RBIS: variants seen among roughly 807,000 people sequenced by gnomAD.
RBIS encodes ribosome biogenesis factor identified in screen.
A neutral mutation model predicts 9.8 loss-of-function variants in RBIS; 9 were observed. The ratio of observed to expected loss-of-function variants is 0.92; its 90% CI spans 0.56 to 1.61. The LOEUF is 1.61. RBIS is among the 40% of genes most tolerant of loss of function. The probability of loss-of-function intolerance (pLI) is 0.00; values close to 1 mark genes in which losing one functional copy is unlikely to be tolerated. For missense variants in RBIS, 103 were observed against 116.0 expected, an observed-to-expected ratio of 0.89 and a Z score of 0.51; for synonymous variants, 35 against 37.9, an observed-to-expected ratio of 0.92 and a Z score of 0.28.
In RBIS at chr8:85,214,725, T is replaced by A; in HGVS notation, c.232-94A>T. ...TTATTCAATTTAATTTTTCTAGTCA[T>A]ATCTTTGGAAGTAGAACAATCTGTA... On this transcript the variant is annotated intron_variant, in intron 3 of 3. Transcript: ENST00000619594. 3 of 891,142 alleles carry A rather than the reference T, an allele frequency of 3.4e-6. No individual in the cohort carries two copies. In the East Asian group the frequency reaches 7.2e-5, roughly 22 times the overall value. 55.2% of individuals were successfully genotyped at this position (891,142 alleles called of 1,614,324 possible).
Position 85,214,938 on chromosome 8 carries a change from G to A in RBIS, c.214C>T (p.Pro72Ser), listed in dbSNP as rs770940141. ...CTGCTTACCAGTTCTTTCTGCAGAG[G>A]TTCAAGTGAAATGCTTTTTGCGAAA... ...AHFAKSISLE[P>S]LQKELIPQQR... Residue 72 changes from proline (P) to serine (S), a missense_variant, in exon 3 of 4, where the codon CCT (proline) becomes TCT (serine). Coordinates refer to ENST00000619594, the MANE Select transcript of RBIS (RefSeq NM_001099673.3). 4 of 1,573,426 alleles carry A rather than the reference G, an allele frequency of 2.5e-6. No homozygotes were observed. The Admixed American group carries it at 7.0e-5, about 28-fold the overall frequency.
At chr8:85,214,703 T>G in intron 3 of RBIS, 72 bp from the exon 4 acceptor site, 1 of 984,136 alleles carries the variant, frequency 1.0e-6, no homozygotes, top group Non-Finnish European at 1.6e-6. Context: ...TAAGCTGTTA[T>G]TCAATTTAAT....
intron 2 of RBIS, chr8:85,215,343 C>T (rs990623014): frequency 6.3e-6 from 1 of 158,580 alleles, no homozygotes; most frequent in African/African-American, 2.4e-5. Context: ...TCCTGTCATA[C>T]AGCTTTTTAA....
At chr8:85,219,918 G>A (rs551770531) in intron 1 of RBIS, among the ~76,000 whole-genome samples, 1 of 152,010 alleles carries the variant, frequency 6.6e-6, no homozygotes, top group Admixed American at 6.5e-5. Context: ...AGACATGATA[G>A]GTATATTGTA....
intron 1 of RBIS, among the ~76,000 whole-genome samples, chr8:85,218,370 C>G (rs907776162): frequency 1.1e-4 from 17 of 152,064 alleles, no homozygotes; most frequent in African/African-American, 4.1e-4. Flanking sequence ...GCCAGGCAGA[C>G]TAGATCAGAG....
intron 1 of RBIS, chr8:85,219,072 A>G (rs1182044671): frequency 6.6e-6 from 1 of 152,198 alleles, no homozygotes; most frequent in African/African-American, 2.4e-5. Context: ...AGTTTTCCCA[A>G]TGTATAAGGG....
chr8:85,220,152 G>T (rs902636519), intron 1 of RBIS, among the ~76,000 whole-genome samples, 154 bp downstream of exon 1: 6 of 152,200 alleles, frequency 3.9e-5, no homozygotes, highest in African/African-American at 1.4e-4. Flanking sequence ...CAAGCACCGG[G>T]GTTTCGGGCC....
In RBIS at chr8:85,217,593, A is replaced by C; in HGVS notation, c.-3-91T>G. 5.1e-6 allele frequency: 4 copies of C among 785,864 alleles called. No homozygotes were observed. In the South Asian group the frequency reaches 6.3e-5, roughly 12 times the overall value. The allele number at this position is 785,864 out of a possible 1,614,324, so 48.7% of individuals were successfully genotyped here. ...TTAAAGGTACCAATTAAATCTAAAA[A>C]ATTCTATCTTACTCTTGATTATTTT... On this transcript the variant is annotated intron_variant, in intron 1 of 3. Coordinates refer to ENST00000619594, the MANE Select transcript of RBIS (RefSeq NM_001099673.3).
In RBIS at chr8:85,215,030, A is replaced by G; in HGVS notation, c.122T>C (p.Ile41Thr). ...TCTGTTAACTTTTTCCTCATTCATA[A>G]TGTTTATCTTTTAAAAAGAAAAAAA... ...PVTTNLKKIN[I>T]MNEEKVNRVN... Residue 41 changes from isoleucine (I) to threonine (T), a missense_variant, in exon 3 of 4, where the codon ATT becomes ACT. Physicochemically the swap from Ile to Thr is moderately conservative, Grantham distance 89 (BLOSUM62 -1). Coordinates refer to ENST00000619594, the MANE Select transcript of RBIS (RefSeq NM_001099673.3). The G allele has an allele frequency of 7.5e-7, 1 of 1,334,444 alleles. No homozygotes were observed. Among genetic ancestry groups the G allele is most frequent in the Non-Finnish European group, 1.0e-6 (1 of 953,036 alleles). 82.7% of individuals were successfully genotyped at this position (1,334,444 alleles called of 1,614,324 possible).
chr8:85,214,717 T>G (rs1813065883), intron 3 of RBIS, 86 bp from the exon 4 acceptor site: 1 of 911,520 alleles, frequency 1.1e-6, no homozygotes, highest in Non-Finnish European at 1.8e-6. Context: ...ATTTAATTTT[T>G]CTAGTCATAT....
rs1813203160 is a variant in RBIS at position 85,217,578 on chromosome 8, C to A, written c.-3-76G>T. 13 of 890,066 alleles carry A rather than the reference C, an allele frequency of 1.5e-5. No individual in the cohort carries two copies. In the South Asian group the frequency reaches 1.9e-4, roughly 13 times the overall value. The allele number at this position is 890,066 out of a possible 1,614,324, so 55.1% of individuals were successfully genotyped here. ...GTCAATTTTAAGTTTTTAAAGGTAC[C>A]AATTAAATCTAAAAAATTCTATCTT... On this transcript the variant is annotated intron_variant, in intron 1 of 3. Coordinates refer to ENST00000619594, the MANE Select transcript of RBIS (RefSeq NM_001099673.3).
At position 85,214,317 on chromosome 8, in the gene RBIS, G is replaced by A. The variant is rs1460095745; in HGVS notation, c.*243C>T. On this transcript the variant is annotated 3_prime_UTR_variant, in exon 4 of 4. Transcript: ENST00000619594. ...CACTTGTAAAGTGAAGGATGTAAAC[G>A]AGGATATATAACTGTTTCAGTGAAC... The A allele has an allele frequency of 6.8e-6, 4 of 592,026 alleles. No homozygotes were observed. Among genetic ancestry groups the A allele is most frequent in the Non-Finnish European group, 1.2e-5 (4 of 329,222 alleles). 36.7% of individuals were successfully genotyped at this position (592,026 alleles called of 1,614,324 possible).
At chr8:85,216,171 C>CAAGAA (rs1813142729) in intron 2 of RBIS, 1 of 152,190 alleles carries the variant, frequency 6.6e-6, no homozygotes, top group Admixed American at 6.5e-5. Context: ...CGCATCTATA[C>CAAGAA]AAGAAACCTG....
At chr8:85,217,654 C>A (rs1294129512) in intron 1 of RBIS, 152 bp from the exon 2 acceptor site, 1 of 611,052 alleles carries the variant, frequency 1.6e-6, no homozygotes, top group Non-Finnish European at 2.9e-6. Context: ...AAGTCTTTCA[C>A]TCCTAGTAGA....
chr8:85,218,543 C>G (rs1334636607), intron 1 of RBIS: 3 of 92,790 alleles, frequency 3.2e-5, no homozygotes, highest in Non-Finnish European at 6.7e-5. Flanking sequence ...TCAGGCCAAG[C>G]ACCTGTCCTT....
In RBIS at chr8:85,214,499, A is replaced by G; in HGVS notation, c.*61T>C. ...TACATTAACAAGATTTTTAAAAATA[A>G]AATTGTATAAAACATTCAATTTATT... On this transcript the variant is annotated 3_prime_UTR_variant, in exon 4 of 4. Transcript: ENST00000619594. 1 of 1,158,030 alleles carries G rather than the reference A, an allele frequency of 8.6e-7. No homozygotes were observed. The highest frequency in any genetic ancestry group is 1.3e-6 in the Non-Finnish European group (1 of 781,880). The allele number at this position is 1,158,030 out of a possible 1,614,324, so 71.7% of individuals were successfully genotyped here.
chr8:85,219,585 A>C (rs1813283142), intron 1 of RBIS, among the ~76,000 whole-genome samples: 1 of 151,814 alleles, frequency 6.6e-6, no homozygotes, highest in Admixed American at 6.6e-5. Context: ...CCCCGTTTCC[A>C]CTAAAAAAAA....
chr8:85,214,534 GGAGAATTA>G lies in RBIS; in HGVS notation c.*18_*25del, dbSNP rs1563986525. ...AAACATTCAATTTATTGGTCTTTGT[GGAGAATTA>G]GATGCATCACCAGTATATTACAACA... On this transcript the variant is annotated 3_prime_UTR_variant, in exon 4 of 4. Transcript: ENST00000619594. 5 of 1,412,672 alleles carry G rather than the reference GGAGAATTA, an allele frequency of 3.5e-6. No homozygotes were observed. Among genetic ancestry groups the G allele is most frequent in the Non-Finnish European group, 4.0e-6 (4 of 1,005,958 alleles). 87.5% of individuals were successfully genotyped at this position (1,412,672 alleles called of 1,614,324 possible).
chr8:85,220,207 G>A (rs1005068083), intron 1 of RBIS, 99 bp downstream of exon 1: 2 of 152,248 alleles, frequency 1.3e-5, no homozygotes, highest in African/African-American at 4.8e-5. Flanking sequence ...ACGGAACCGA[G>A]CCTACAGGCC....
Sources: allele counts gnomAD v4.1 joint callset (sites outside exome capture counted in the v4.1 genomes callset), GRCh38; gene constraint gnomAD v4.1.1; transcripts MANE v1.5; gene names NCBI Gene and HGNC (gene_info 2026-07-23, HGNC 2026-07-21).